The following AGPS variants were observed in gnomAD, a reference collection of about 807,000 sequenced individuals.
AGPS encodes the protein alkylglycerone phosphate synthase.
AGPS carries 26 observed loss-of-function variants against 90.7 expected under a neutral mutation model. That is an observed-to-expected ratio of 0.29 (90% CI 0.21 to 0.40). AGPS has a LOEUF of 0.40. Among genes scored for constraint, AGPS ranks in the 10% least tolerant of loss-of-function variants. The pLI, the probability that AGPS is intolerant of heterozygous loss-of-function variation, is 1.00. For missense variants in AGPS, 540 were observed against 816.1 expected, an observed-to-expected ratio of 0.66 and a Z score of 4.12; for synonymous variants, 294 against 285.3, an observed-to-expected ratio of 1.03 and a Z score of -0.31.
In AGPS at chr2:177,457,000, C is replaced by A. The variant is rs181885845; in HGVS notation, c.871-4893C>A. ...AAATCATAACAAACAATCTCTCAGA[C>A]CACAGTGCAATCAAATTAGAACTCA... On this transcript the variant is annotated intron_variant, in intron 8 of 19. Transcript: ENST00000264167. Among the ~76,000 whole-genome samples, 139 of 152,276 alleles carry A rather than the reference C, an allele frequency of 9.1e-4. 1 individual carries two copies. In the Middle Eastern group the frequency reaches 0.017, roughly 19 times the overall value.
Position 177,445,585 on chromosome 2 carries a change from C to A in AGPS, c.829C>A (p.His277Asn). ...LWVDENNLTA[H>N]VEAGITGQEL... Reference sequence around the variant, plus strand: ...GGTTGATGAGAACAATTTGACAGCTCATGTAGAGGCTGGCATAACAGGACA... The same window carrying A: ...GGTTGATGAGAACAATTTGACAGCTAATGTAGAGGCTGGCATAACAGGACA... Residue 277 changes from histidine (H) to asparagine (N), a missense_variant, in exon 8 of 20, where the codon CAT becomes AAT. His to Asn is a moderately conservative substitution (Grantham distance 68). Transcript: ENST00000264167. 6.2e-7 allele frequency: 1 copy of A among 1,613,624 alleles called. No homozygotes were observed. The highest frequency in any genetic ancestry group is 1.3e-5 in the African/African-American group (1 of 75,038).
intron 2 of AGPS, among the ~76,000 whole-genome samples, chr2:177,424,772 G>A (rs1261934193): frequency 3.3e-5 from 5 of 152,026 alleles, no homozygotes; most frequent in Non-Finnish European, 5.9e-5. Context: ...TTTAATAATC[G>A]CCATTCTGAC....
intron 15 of AGPS, 123 bp from the exon 16 acceptor site, chr2:177,507,847 A>G (rs879096349): frequency 3.9e-6 from 3 of 772,872 alleles, no homozygotes; most frequent in South Asian, 1.4e-5. Context: ...GGTGGATAGT[A>G]AAGAGTGGAT....
At position 177,538,764 on chromosome 2, in the gene AGPS, A is replaced by G. The variant is rs1475571753; in HGVS notation, c.*569A>G. 3.8e-5 allele frequency: 6 copies of G among 155,886 alleles called. No homozygotes were observed. Among genetic ancestry groups the G allele is most frequent in the African/African-American group, 1.2e-4 (5 of 41,414 alleles). The allele number at this position is 155,886 out of a possible 1,614,324, so 9.7% of individuals were successfully genotyped here. ...GGCCTACTTTTTTTTTTAAATTAGT[A>G]TACATGCATAAAACCTTGTATCATC... On this transcript the variant is annotated 3_prime_UTR_variant, in exon 20 of 20. Transcript: ENST00000264167.
At chr2:177,394,278 T>C (rs1057371573) in intron 1 of AGPS, among the ~76,000 whole-genome samples, 23 of 152,250 alleles carry the variant, frequency 1.5e-4, no homozygotes, top group Admixed American at 3.9e-4. Context: ...CTGGGAACTA[T>C]ACCACCTGGT....
chr2:177,514,738 A>G (rs889737738), intron 17 of AGPS, among the ~76,000 whole-genome samples: 2 of 151,912 alleles, frequency 1.3e-5, no homozygotes, highest in East Asian at 3.9e-4. Flanking sequence ...TATTGTTCCC[A>G]TTGGGAAGAG....
chr2:177,496,738 TA>T (rs1334221748), intron 12 of AGPS, among the ~76,000 whole-genome samples: 5 of 152,052 alleles, frequency 3.3e-5, no homozygotes, highest in African/African-American at 1.2e-4. Flanking sequence ...GAGATTCTTA[TA>T]AAAAATGGAT....
Position 177,507,414 on chromosome 2 carries a change from CGTA to C in AGPS, c.1546-551_1546-549del, listed in dbSNP as rs753102241. 6.6e-5 allele frequency among the ~76,000 whole-genome samples: 10 copies of C among 152,132 alleles called. No individual in the cohort carries two copies. The East Asian group carries it at 9.6e-4, about 15-fold the overall frequency. Reference sequence around the variant, plus strand: ...TATCCTCTATACTGTAAAATATTTTCGTAGTAGAAGTGCCTCCAGATGTTTGAT... The same window carrying C: ...TATCCTCTATACTGTAAAATATTTTCGTAGAAGTGCCTCCAGATGTTTGAT... On this transcript the variant is annotated intron_variant, in intron 15 of 19. Coordinates refer to ENST00000264167, the MANE Select transcript of AGPS (RefSeq NM_003659.4).
rs1011905845 is a variant in AGPS, at chr2:177,442,441, T to C, written c.744T>C (p.Pro248=). ...GTSVSYGLMC[P]ADETRTIISL... is the part of the protein sequence containing the mutation. ...GTGTTTCATATGGCCTGATGTGTCC[T>C]GCAGATGAGACAAGAACAATTATTT... The change falls in exon 7 of 20, where the codon CCT becomes CCC. Residue 248 remains proline, a synonymous_variant. Coordinates refer to ENST00000264167, the MANE Select transcript of AGPS (RefSeq NM_003659.4). The C allele has an allele frequency of 1.2e-6, 2 of 1,613,878 alleles. No individual in the cohort carries two copies. Among genetic ancestry groups the C allele is most frequent in the Non-Finnish European group, 1.7e-6 (2 of 1,179,848 alleles).
chr2:177,471,977 A>G (rs1242516795), intron 10 of AGPS, among the ~76,000 whole-genome samples: 1 of 151,970 alleles, frequency 6.6e-6, no homozygotes, highest in African/African-American at 2.4e-5. Context: ...TTATTGCTAA[A>G]GTCTAATACT....
intron 8 of AGPS, among the ~76,000 whole-genome samples, chr2:177,453,586 C>T (rs1014339389): frequency 4.6e-5 from 7 of 151,160 alleles, no homozygotes; most frequent in East Asian, 2.0e-4. Context: ...GCAGACTTTA[C>T]GACACTTAAC....
At chr2:177,393,494 A>G (rs1004991846) in intron 1 of AGPS, 1 of 985,362 alleles carries the variant, frequency 1.0e-6, no homozygotes, top group East Asian at 1.1e-4. Context: ...TGTGGGGGAA[A>G]CTGGTGGTGC....
intron 6 of AGPS, 79 bp downstream of exon 6, chr2:177,441,115 C>T (rs1027292869): frequency 1.7e-6 from 2 of 1,200,880 alleles, no homozygotes; most frequent in Non-Finnish European, 2.4e-6. Flanking sequence ...TTTGCGTCAC[C>T]CTACTGAAAA....
chr2:177,442,496 A>G lies in AGPS; in HGVS notation c.789+10A>G. 6.3e-7 allele frequency: 1 copy of G among 1,576,494 alleles called. No homozygotes were observed. The highest frequency in any genetic ancestry group is 8.7e-7 in the Non-Finnish European group (1 of 1,146,124). ...GGACACTTCACAAATGGTATTTAAT[A>G]ATTTGAGATATATTTAAAACATTTT... On this transcript the variant is annotated intron_variant, in intron 7 of 19. Coordinates refer to ENST00000264167, the MANE Select transcript of AGPS (RefSeq NM_003659.4).
At chr2:177,505,476 A>C in intron 14 of AGPS, 30 bp from the exon 15 acceptor site, 1 of 1,593,378 alleles carries the variant, frequency 6.3e-7, no homozygotes, top group Non-Finnish European at 8.6e-7. Flanking sequence ...AAGATAAAAA[A>C]TTTATTAACA....
rs558252864 is a variant in AGPS at position 177,471,251 on chromosome 2, T to C, written c.1105+2727T>C. 3.3e-5 allele frequency among the ~76,000 whole-genome samples: 5 copies of C among 152,336 alleles called. No individual in the cohort carries two copies. In the South Asian group the frequency reaches 1.0e-3, roughly 32 times the overall value. On this transcript the variant is annotated intron_variant, in intron 10 of 19. Coordinates refer to ENST00000264167, the MANE Select transcript of AGPS (RefSeq NM_003659.4). ...GCCTTAAATGTGAATCATAAACTTT[T>C]CTTGAGCTTTAAAAAAATTTCTTTC...
Position 177,461,926 on chromosome 2 carries a change from C to T in AGPS, c.904C>T (p.Pro302Ser), listed in dbSNP as rs1687304697. Reference sequence around the variant, plus strand: ...AAGTGGTTATTGTACAGGTCATGAACCAGATTCCCTGGAGTTCAGTACTGT... The same window carrying T: ...AAGTGGTTATTGTACAGGTCATGAATCAGATTCCCTGGAGTTCAGTACTGT... ...KESGYCTGHEPDSLEFSTVGG... is the reference protein window; with the variant it reads ...KESGYCTGHESDSLEFSTVGG... The change falls in exon 9 of 20, where the codon CCA becomes TCA. Residue 302 changes from proline to serine, a missense_variant. Physicochemically the swap from Pro to Ser is moderately conservative, Grantham distance 74. This residue lies in a region of AGPS where 405 missense variants were observed against 692.1 expected (regional missense o/e 0.59). Coordinates refer to ENST00000264167, the MANE Select transcript of AGPS (RefSeq NM_003659.4). The T allele has an allele frequency of 6.2e-7, 1 of 1,612,248 alleles. No homozygotes were observed.
At chr2:177,469,843 T>A (rs2105677243) in intron 10 of AGPS, among the ~76,000 whole-genome samples, 1 of 152,332 alleles carries the variant, frequency 6.6e-6, no homozygotes, top group East Asian at 1.9e-4. Flanking sequence ...TATACTTTTT[T>A]TTCTCCCATC....
At chr2:177,536,545 G>C (rs1469476748) in intron 19 of AGPS, among the ~76,000 whole-genome samples, 1 of 152,096 alleles carries the variant, frequency 6.6e-6, no homozygotes, top group Non-Finnish European at 1.5e-5. Context: ...GAAAAAACAG[G>C]CTGAATCATA....
Sources: gnomAD v4.1 joint callset for allele counts (sites outside exome capture counted in the v4.1 genomes callset) on GRCh38, gnomAD v4.1.1 for gene constraint, gnomAD v4.1.1 regional missense constraint, MANE v1.5 for transcripts, NCBI Gene and HGNC (gene_info 2026-07-23, HGNC 2026-07-21) for gene names.